SDCCAG8: variants seen among roughly 807,000 people sequenced by gnomAD.
SDCCAG8 encodes the protein serologically defined colon cancer antigen 8.
Under a neutral mutation model 101.8 loss-of-function variants are expected in SDCCAG8, and 74 were observed. The ratio of observed to expected loss-of-function variants is 0.73; its 90% CI spans 0.60 to 0.88. The LOEUF is 0.88. Ranked by LOEUF, SDCCAG8 falls within the 40% of genes least tolerant of loss-of-function variation. SDCCAG8 has a pLI of 0.00. For synonymous variants in SDCCAG8, 281 were observed against 292.9 expected (o/e 0.96, Z 0.41); for missense variants, 787 against 822.6 (o/e 0.96, Z 0.53).
intron 12 of SDCCAG8, 106 bp from the exon 13 acceptor site, chr1:243,378,615 A>AT: frequency 1.6e-6 from 2 of 1,284,846 alleles, no homozygotes; most frequent in African/African-American, 1.5e-5. Flanking sequence ...TTTTCTAATA[A>AT]TTTTTTATCA....
intron 1 of SDCCAG8, among the ~76,000 whole-genome samples, chr1:243,264,113 C>T (rs1422902140): frequency 6.6e-6 from 1 of 152,142 alleles, no homozygotes; most frequent in African/African-American, 2.4e-5. Context: ...GGAGTGGTCC[C>T]CCTCCCTGTC....
chr1:243,277,088 T>C (rs973160781), intron 4 of SDCCAG8, among the ~76,000 whole-genome samples: 6 of 152,220 alleles, frequency 3.9e-5, no homozygotes, highest in African/African-American at 1.4e-4. Flanking sequence ...TTTTGGCAAT[T>C]GCGAATAAAG....
chr1:243,444,612 A>G (rs1201231153), intron 16 of SDCCAG8, among the ~76,000 whole-genome samples: 6 of 152,030 alleles, frequency 3.9e-5, no homozygotes, highest in African/African-American at 1.2e-4. Context: ...CAAACTCCTG[A>G]GCTCAGGCAG....
At chr1:243,307,277 C>CCCCCCCCCCCA in intron 7 of SDCCAG8, 1 of 281,908 alleles carries the variant, frequency 3.5e-6, no homozygotes, top group Non-Finnish European at 5.3e-6. Flanking sequence ...ACACCACCCC[C>CCCCCCCCCCCA]ACCCCCACCA....
chr1:243,396,353 A>G (rs980097215), intron 13 of SDCCAG8, among the ~76,000 whole-genome samples: 11 of 152,218 alleles, frequency 7.2e-5, no homozygotes, highest in Non-Finnish European at 1.3e-4. Context: ...GCTTGGCAGC[A>G]TATATTTGAA....
intron 4 of SDCCAG8, among the ~76,000 whole-genome samples, chr1:243,281,275 G>C (rs1006247946): frequency 6.8e-6 from 1 of 146,838 alleles, no homozygotes. Flanking sequence ...TTTATAATTG[G>C]CTTTTTTTTT....
intron 10 of SDCCAG8, among the ~76,000 whole-genome samples, chr1:243,335,953 C>T (rs2074978737): frequency 6.6e-6 from 1 of 152,172 alleles, no homozygotes; most frequent in African/African-American, 2.4e-5. Context: ...GTCCATGTTC[C>T]TGCCAAAGAC....
At chr1:243,285,484 T>G (rs78849109) in intron 4 of SDCCAG8, among the ~76,000 whole-genome samples, 2 of 152,226 alleles carry the variant, frequency 1.3e-5, no homozygotes, top group African/African-American at 4.8e-5. Flanking sequence ...TTTTTTAAAT[T>G]ACAGCTTTTT....
At chr1:243,365,263 T>C (rs2147864408) in intron 12 of SDCCAG8, among the ~76,000 whole-genome samples, 1 of 152,278 alleles carries the variant, frequency 6.6e-6, no homozygotes, top group South Asian at 2.1e-4. Context: ...GTTTTTTTCC[T>C]AAAGGCCTAT....
chr1:243,465,759 C>G (rs761040567), intron 16 of SDCCAG8, among the ~76,000 whole-genome samples: 1 of 152,190 alleles, frequency 6.6e-6, no homozygotes, highest in Non-Finnish European at 1.5e-5. Flanking sequence ...TCCCAAACAG[C>G]TGTTCATTTG....
intron 6 of SDCCAG8, among the ~76,000 whole-genome samples, chr1:243,295,550 T>A (rs973475541): frequency 4.6e-5 from 7 of 152,190 alleles, no homozygotes; most frequent in Non-Finnish European, 1.0e-4. Context: ...TCTTCTCCCG[T>A]CACTCTTACA....
At chr1:243,418,348 G>T (rs2080752356) in intron 15 of SDCCAG8, among the ~76,000 whole-genome samples, 1 of 152,098 alleles carries the variant, frequency 6.6e-6, no homozygotes, top group African/African-American at 2.4e-5. Flanking sequence ...GATCAATATG[G>T]TAATAACATA....
At chr1:243,467,158 T>C (rs1052058154) in intron 16 of SDCCAG8, among the ~76,000 whole-genome samples, 2 of 152,236 alleles carry the variant, frequency 1.3e-5, no homozygotes, top group Admixed American at 6.5e-5. Context: ...CTATTGACCG[T>C]TGACTGATTA....
At chr1:243,421,235 G>A (rs971937953) in intron 15 of SDCCAG8, among the ~76,000 whole-genome samples, 5 of 152,144 alleles carry the variant, frequency 3.3e-5, no homozygotes, top group Admixed American at 6.5e-5. Flanking sequence ...TAAGAGTCTT[G>A]TTTTTCAAAA....
intron 4 of SDCCAG8, among the ~76,000 whole-genome samples, chr1:243,283,824 T>C (rs964172057): frequency 6.6e-5 from 10 of 152,202 alleles, no homozygotes; most frequent in African/African-American, 2.4e-4. Flanking sequence ...CACTGCAACC[T>C]CTGCCTCCTG....
At chr1:243,298,695 T>G (rs959337999) in intron 6 of SDCCAG8, among the ~76,000 whole-genome samples, 7 of 152,184 alleles carry the variant, frequency 4.6e-5, no homozygotes, top group Non-Finnish European at 4.4e-5. Flanking sequence ...TTTGTTCTTT[T>G]CCTATGTGTT....
chr1:243,500,043 C>T lies in SDCCAG8; in HGVS notation c.*258C>T, dbSNP rs1669104083. 10 of 535,960 alleles carry T rather than the reference C, an allele frequency of 1.9e-5. 1 individual carries two copies. In the South Asian group the frequency reaches 2.7e-4, roughly 15 times the overall value. The allele number at this position is 535,960 out of a possible 1,614,324, so 33.2% of individuals were successfully genotyped here. On this transcript the variant is annotated 3_prime_UTR_variant, in exon 18 of 18. Coordinates refer to ENST00000366541, the MANE Select transcript of SDCCAG8 (RefSeq NM_006642.5). Reference sequence around the variant, plus strand: ...AGTTATGTGTTTAAATCTGCTCATTCGTATGCTAGGTTATACATATGATTT... The same window carrying T: ...AGTTATGTGTTTAAATCTGCTCATTTGTATGCTAGGTTATACATATGATTT...
chr1:243,303,050 G>A (rs1010031257), intron 6 of SDCCAG8, among the ~76,000 whole-genome samples: 1 of 152,204 alleles, frequency 6.6e-6, no homozygotes, highest in Admixed American at 6.5e-5. Flanking sequence ...TGGATGTGGT[G>A]GAAAAGGTTG....
At chr1:243,267,684 C>G in intron 1 of SDCCAG8, 1 of 773,920 alleles carries the variant, frequency 1.3e-6, no homozygotes. Context: ...ACTCTCTGTA[C>G]TAAGCAGTCA....
Sources: gnomAD v4.1 joint callset for allele counts (sites outside exome capture counted in the v4.1 genomes callset) on GRCh38, gnomAD v4.1.1 for gene constraint, MANE v1.5 for transcripts, NCBI Gene and HGNC (gene_info 2026-07-23, HGNC 2026-07-21) for gene names.